PHLPP1: variants seen among roughly 807,000 people sequenced by gnomAD.
The protein encoded by PHLPP1 is PH domain leucine-rich repeat-containing protein phosphatase 1.
PHLPP1 carries 42 observed loss-of-function variants against 117.2 expected under a neutral mutation model. That is an observed-to-expected ratio of 0.36 (90% CI 0.28 to 0.46). PHLPP1 has a LOEUF of 0.46. Ranked by LOEUF, PHLPP1 falls within the 20% of genes least tolerant of loss-of-function variation. The pLI, the probability that PHLPP1 is intolerant of heterozygous loss-of-function variation, is 1.00. For missense variants in PHLPP1, 2,084 were observed against 2,241.9 expected (o/e 0.93, Z 1.42); for synonymous variants, 1,042 against 970.7 (o/e 1.07, Z -1.37).
intron 12 of PHLPP1, among the ~76,000 whole-genome samples, chr18:62,954,894 A>G (rs754143688): frequency 4.6e-5 from 7 of 152,180 alleles, no homozygotes; most frequent in Non-Finnish European, 1.0e-4. Context: ...GTGCCAGGCA[A>G]TCATTTGTTC....
intron 15 of PHLPP1, among the ~76,000 whole-genome samples, chr18:62,973,986 T>G (rs993161734): frequency 3.3e-5 from 5 of 152,322 alleles, no homozygotes; most frequent in African/African-American, 1.2e-4. Context: ...ACCACCCTTT[T>G]GTTCTAGAAA....
chr18:62,776,645 T>C (rs895592646), intron 1 of PHLPP1, among the ~76,000 whole-genome samples: 1 of 151,286 alleles, frequency 6.6e-6, no homozygotes, highest in South Asian at 2.1e-4. Flanking sequence ...AGTCTCACTC[T>C]GTGGCCCAGG....
At chr18:62,838,077 T>A (rs1300085349) in intron 2 of PHLPP1, 2 of 151,528 alleles carry the variant, frequency 1.3e-5, no homozygotes, top group African/African-American at 2.4e-5. Context: ...TATATATATA[T>A]AAATTTCCCT....
chr18:62,934,579 G>T (rs1909913297), intron 10 of PHLPP1, among the ~76,000 whole-genome samples: 1 of 152,154 alleles, frequency 6.6e-6, no homozygotes, highest in Non-Finnish European at 1.5e-5. Flanking sequence ...AGAGATAAGG[G>T]ATATACGGTT....
chr18:62,942,221 A>T (rs921816813), intron 11 of PHLPP1, among the ~76,000 whole-genome samples: 3 of 152,134 alleles, frequency 2.0e-5, no homozygotes, highest in Admixed American at 1.3e-4. Flanking sequence ...TTAATTTTTT[A>T]AAAAACCATT....
chr18:62,919,842 A>G lies in PHLPP1; in HGVS notation c.2805-117A>G, dbSNP rs573426791. On this transcript the variant is annotated intron_variant, in intron 9 of 16. Coordinates refer to ENST00000262719, the MANE Select transcript of PHLPP1 (RefSeq NM_194449.4). ...ATTGAAACAAATAGTTTCAAGTTTG[A>G]ATTTATATTAAAATGAATTTGTAGT... is the stretch of plus-strand genomic sequence containing the variant. 9.6e-5 allele frequency: 70 copies of G among 726,688 alleles called. No homozygotes were observed. The African/African-American group carries it at 1.0e-3, about 10-fold the overall frequency. 45.0% of individuals were successfully genotyped at this position (726,688 alleles called of 1,614,324 possible). A position where few individuals can be genotyped will look rare whatever the true frequency, so the allele number is the denominator to read the frequency against.
intron 1 of PHLPP1, among the ~76,000 whole-genome samples, chr18:62,799,423 C>T (rs1443824075): frequency 6.6e-6 from 1 of 152,088 alleles, no homozygotes; most frequent in African/African-American, 2.4e-5. Context: ...TTCTTTTTAA[C>T]CTGTCATCAC....
chr18:62,897,333 T>C (rs903039201), intron 6 of PHLPP1, among the ~76,000 whole-genome samples: 3 of 152,228 alleles, frequency 2.0e-5, no homozygotes, highest in African/African-American at 2.4e-5. Context: ...CTTGAGTTTT[T>C]AGATGACATC....
At chr18:62,975,761 A>C in intron 16 of PHLPP1, 136 bp downstream of exon 16, 1 of 635,994 alleles carries the variant, frequency 1.6e-6, no homozygotes, top group Non-Finnish European at 2.8e-6. Flanking sequence ...TTCCAAATCC[A>C]TAGTATCACA....
intron 3 of PHLPP1, among the ~76,000 whole-genome samples, chr18:62,859,992 G>T (rs1267802375): frequency 6.6e-6 from 1 of 152,156 alleles, no homozygotes; most frequent in Non-Finnish European, 1.5e-5. Flanking sequence ...GTTTCTTCAT[G>T]GTGCAAACAT....
intron 1 of PHLPP1, among the ~76,000 whole-genome samples, chr18:62,811,905 A>G (rs1411800560): frequency 6.6e-6 from 1 of 152,200 alleles, no homozygotes; most frequent in Non-Finnish European, 1.5e-5. Context: ...AAGGGCAGTG[A>G]GTTGATTATT....
chr18:62,920,786 C>T (rs945683720), intron 10 of PHLPP1, among the ~76,000 whole-genome samples: 2 of 152,274 alleles, frequency 1.3e-5, no homozygotes, highest in East Asian at 3.9e-4. Context: ...GTTTCGAACT[C>T]CTGGGCTCAA....
intron 1 of PHLPP1, among the ~76,000 whole-genome samples, chr18:62,792,154 A>C (rs2144290812): frequency 6.6e-6 from 1 of 152,310 alleles, no homozygotes; most frequent in South Asian, 2.1e-4. Flanking sequence ...TGGAAATAGG[A>C]AAGTCAAGTC....
rs73468165 is a variant in PHLPP1, at chr18:62,881,918, G to A, written c.2067-13093G>A. ...GAGTCATGCCTTCTGAAGGGTGGGTGTTCCCAGCAATTCTGAAGCAGGCAC... is the reference window on the plus strand; with the variant it reads ...GAGTCATGCCTTCTGAAGGGTGGGTATTCCCAGCAATTCTGAAGCAGGCAC... On this transcript the variant is annotated intron_variant, in intron 4 of 16. Transcript: ENST00000262719. Among the ~76,000 whole-genome samples, 388 of 152,322 alleles carry A rather than the reference G, an allele frequency of 2.5e-3. 4 individuals carry two copies. The highest frequency in any genetic ancestry group is 9.0e-3 in the African/African-American group (374 of 41,566).
At chr18:62,741,533 A>G (rs1217983832) in intron 1 of PHLPP1, among the ~76,000 whole-genome samples, 2 of 152,132 alleles carry the variant, frequency 1.3e-5, no homozygotes, top group Admixed American at 6.5e-5. Context: ...AGACAGTACT[A>G]TAGGGTTCTT....
chr18:62,787,319 G>A (rs1032262275), intron 1 of PHLPP1, among the ~76,000 whole-genome samples: 8 of 152,056 alleles, frequency 5.3e-5, no homozygotes, highest in East Asian at 1.9e-4. Context: ...GGCACGTGCC[G>A]CTACTGCCTG....
intron 1 of PHLPP1, among the ~76,000 whole-genome samples, chr18:62,751,028 A>T (rs1911835832): frequency 6.6e-6 from 1 of 152,190 alleles, no homozygotes; most frequent in Non-Finnish European, 1.5e-5. Flanking sequence ...GATGCATTTT[A>T]AAAAACCAAC....
chr18:62,968,227 T>C (rs1156300171), intron 14 of PHLPP1, among the ~76,000 whole-genome samples: 1 of 152,218 alleles, frequency 6.6e-6, no homozygotes, highest in Non-Finnish European at 1.5e-5. Flanking sequence ...TCTTGTGATG[T>C]CTTTGGGTTT....
intron 14 of PHLPP1, among the ~76,000 whole-genome samples, chr18:62,971,496 G>A (rs1284521440): frequency 3.3e-5 from 5 of 151,732 alleles, no homozygotes; most frequent in Admixed American, 1.3e-4. Flanking sequence ...CACATTTGCC[G>A]GGAACCACTA....
Sources: allele counts gnomAD v4.1 joint callset (sites outside exome capture counted in the v4.1 genomes callset), GRCh38; gene constraint gnomAD v4.1.1; transcripts MANE v1.5; gene names NCBI Gene and HGNC (gene_info 2026-07-23, HGNC 2026-07-21).